MAGI2: variants seen among roughly 807,000 people sequenced by gnomAD.
The protein encoded by MAGI2 is membrane-associated guanylate kinase, WW and PDZ domain-containing protein 2.
In MAGI2, 35 loss-of-function variants were observed where a neutral mutation model predicts 133.3. The ratio of observed to expected loss-of-function variants is 0.26; its 90% CI spans 0.20 to 0.35. The LOEUF (loss-of-function observed/expected upper bound fraction) is 0.35. Among genes scored for constraint, MAGI2 ranks in the 10% least tolerant of loss-of-function variants. The pLI is 1.00. For synonymous variants in MAGI2, 729 were observed against 710.6 expected (o/e 1.03, Z -0.41); for missense variants, 1,636 against 1,863.4 (o/e 0.88, Z 2.25).
chr7:79,008,829 C>T (rs1301729269), intron 1 of MAGI2: 1 of 152,126 alleles, frequency 6.6e-6, no homozygotes, highest in Non-Finnish European at 1.5e-5. Context: ...ACTAAAATAG[C>T]TAATAGTTTA....
chr7:79,341,527 A>T (rs555256875), intron 1 of MAGI2, among the ~76,000 whole-genome samples: 1 of 152,156 alleles, frequency 6.6e-6, no homozygotes, highest in Admixed American at 6.6e-5. Context: ...TCTGGTGCAA[A>T]GAGGGCTTTA....
At chr7:79,003,517 T>C (rs140363144) in intron 2 of MAGI2, among the ~76,000 whole-genome samples, 47 of 152,350 alleles carry the variant, frequency 3.1e-4, no homozygotes, top group African/African-American at 1.1e-3. Context: ...TAGTCTTCAG[T>C]AGTCTGTTTT....
At chr7:79,355,308 G>A (rs959802437) in intron 1 of MAGI2, among the ~76,000 whole-genome samples, 2 of 151,988 alleles carry the variant, frequency 1.3e-5, no homozygotes, top group Non-Finnish European at 2.9e-5. Flanking sequence ...GAATAAAATG[G>A]CATTGAATAC....
chr7:78,385,827 A>G (rs1053765360), intron 6 of MAGI2, among the ~76,000 whole-genome samples: 17 of 152,240 alleles, frequency 1.1e-4, no homozygotes, highest in African/African-American at 4.1e-4. Context: ...ATTTTGAATC[A>G]TATAATACCA....
intron 1 of MAGI2, among the ~76,000 whole-genome samples, chr7:79,244,941 A>G (rs939968962): frequency 6.6e-6 from 1 of 152,188 alleles, no homozygotes; most frequent in Non-Finnish European, 1.5e-5. Flanking sequence ...AGCAACAGGC[A>G]GTCCTGTTCC....
intron 1 of MAGI2, among the ~76,000 whole-genome samples, chr7:79,096,865 T>C (rs1446199090): frequency 2.6e-5 from 4 of 152,100 alleles, no homozygotes; most frequent in African/African-American, 9.7e-5. Context: ...CTCCAGATGA[T>C]CCCAAACTAG....
intron 9 of MAGI2, 79 bp downstream of exon 9, chr7:78,343,699 A>C: frequency 8.8e-7 from 1 of 1,140,876 alleles, no homozygotes; most frequent in East Asian, 2.8e-5. Flanking sequence ...TTGAATAAAA[A>C]CACAAAAGAA....
At chr7:78,778,617 AG>A (rs1283462444) in intron 2 of MAGI2, among the ~76,000 whole-genome samples, 5 of 152,218 alleles carry the variant, frequency 3.3e-5, no homozygotes, top group Non-Finnish European at 5.9e-5. Context: ...ATTAGAGTAA[AG>A]GAAAATGAAG....
chr7:78,056,450 A>G (rs1354518545), intron 21 of MAGI2, among the ~76,000 whole-genome samples: 1 of 152,216 alleles, frequency 6.6e-6, no homozygotes, highest in Non-Finnish European at 1.5e-5. Context: ...TGGATAAAGA[A>G]AATGTGGTAC....
intron 21 of MAGI2, among the ~76,000 whole-genome samples, chr7:78,076,375 C>T (rs1211222143): frequency 6.7e-6 from 1 of 148,688 alleles, no homozygotes; most frequent in Non-Finnish European, 1.5e-5. Context: ...TGAAGAATCG[C>T]TTGAGCCTGG....
At chr7:79,119,601 G>C (rs1331709696) in intron 1 of MAGI2, among the ~76,000 whole-genome samples, 1 of 152,054 alleles carries the variant, frequency 6.6e-6, no homozygotes, top group East Asian at 1.9e-4. Context: ...TGAAATATTA[G>C]TTGGAAACCT....
At chr7:78,679,054 AACAAAG>A (rs1323595523) in intron 2 of MAGI2, among the ~76,000 whole-genome samples, 2 of 152,102 alleles carry the variant, frequency 1.3e-5, no homozygotes, top group Non-Finnish European at 2.9e-5. Flanking sequence ...TTAACTCCTA[AACAAAG>A]ACAATTTAGA....
At chr7:78,614,226 G>C (rs1250348089) in intron 3 of MAGI2, 1 of 150,748 alleles carries the variant, frequency 6.6e-6, no homozygotes, top group African/African-American at 2.4e-5. Context: ...TTTGAAGCAA[G>C]TGTACTGCAG....
At chr7:78,021,681 C>T (rs1231703823) in intron 21 of MAGI2, among the ~76,000 whole-genome samples, 2 of 152,162 alleles carry the variant, frequency 1.3e-5, no homozygotes, top group African/African-American at 2.4e-5. Flanking sequence ...TAATGTTAAC[C>T]TTCCTTCTTC....
chr7:78,052,105 C>T (rs1273391151), intron 21 of MAGI2, among the ~76,000 whole-genome samples: 1 of 152,046 alleles, frequency 6.6e-6, no homozygotes, highest in African/African-American at 2.4e-5. Context: ...TCCGGAGCTT[C>T]AGCGATCCAC....
At chr7:78,070,212 TATATATACACAC>T (rs1285794264) in intron 21 of MAGI2, among the ~76,000 whole-genome samples, 1,838 of 55,658 alleles carry the variant, frequency 0.033, 8 homozygotes, top group Non-Finnish European at 0.056. Flanking sequence ...TATATATATA[TATATATACACAC>T]ACACACACAG....
chr7:79,424,755 A>C (rs1279101231), intron 1 of MAGI2, among the ~76,000 whole-genome samples: 4 of 152,214 alleles, frequency 2.6e-5, no homozygotes, highest in African/African-American at 9.6e-5. Flanking sequence ...GTCTATATTC[A>C]CTCAGAAGGG....
At position 79,256,147 on chromosome 7, in the gene MAGI2, A is replaced by G. The variant is rs576725400; in HGVS notation, c.301+196873T>C. ...AAGAGAGTAGAAAACTAATGCTCCC[A>G]TTTATACTACTCTCAGAGAATTAGA... is the stretch of plus-strand genomic sequence containing the variant. On this transcript the variant is annotated intron_variant, in intron 1 of 21. Coordinates refer to ENST00000354212, the MANE Select transcript of MAGI2 (RefSeq NM_012301.4). Among the ~76,000 whole-genome samples, 4 of 152,370 alleles carry G rather than the reference A, an allele frequency of 2.6e-5. No homozygotes were observed. In the South Asian group the frequency reaches 8.3e-4, roughly 32 times the overall value.
At position 78,489,823 on chromosome 7, in the gene MAGI2, G is replaced by T; in HGVS notation, c.983C>A (p.Thr328Lys). The change falls in exon 6 of 22, where the codon ACA becomes AAA. Residue 328 changes from threonine to lysine, a missense_variant. Thr to Lys is a moderately conservative substitution (Grantham distance 78). Transcript: ENST00000354212. ...VYFIDHNTKT[T>K]SWLDPRLAKK... is the part of the protein sequence containing the mutation. ...CGCAAGTCGTGGATCCAGCCATGAT[G>T]TTGTCTTTGTGTTATGGCTGAAAAG... 1 of 1,612,450 alleles carries T rather than the reference G, an allele frequency of 6.2e-7. No individual in the cohort carries two copies. Among genetic ancestry groups the T allele is most frequent in the Non-Finnish European group, 8.5e-7 (1 of 1,179,086 alleles).
Sources: allele counts gnomAD v4.1 joint callset (sites outside exome capture counted in the v4.1 genomes callset), GRCh38; gene constraint gnomAD v4.1.1; transcripts MANE v1.5; gene names NCBI Gene and HGNC (gene_info 2026-07-23, HGNC 2026-07-21).